Variants in CACNA1E observed in about 807,000 individuals in gnomAD.
The protein encoded by CACNA1E is voltage-dependent R-type calcium channel subunit alpha-1E.
CACNA1E carries 40 observed loss-of-function variants against 259.2 expected under a neutral mutation model. The ratio of observed to expected loss-of-function variants is 0.15; its 90% CI spans 0.12 to 0.20. The LOEUF is 0.20. Among genes scored for constraint, CACNA1E ranks in the 10% least tolerant of loss-of-function variants. The pLI is 1.00. For missense variants in CACNA1E, 1,874 were observed against 3,040.1 expected (o/e 0.62, Z 9.02); for synonymous variants, 1,104 against 1,138.5 (o/e 0.97, Z 0.61).
chr1:181,389,485 T>C lies in CACNA1E; in HGVS notation c.-14-23648T>C, dbSNP rs149536593. Reference sequence around the variant, plus strand: ...TACAAATCAACGTTAGTGACTAGACTAGTTCACAAGTACGGAATCTGCAAT... The same window carrying C: ...TACAAATCAACGTTAGTGACTAGACCAGTTCACAAGTACGGAATCTGCAAT... On this transcript the variant is annotated intron_variant, in intron 1 of 11. Transcript: ENST00000524607. Among the ~76,000 whole-genome samples, 1,254 of 152,328 alleles carry C rather than the reference T, an allele frequency of 8.2e-3. 22 individuals carry two copies. Among genetic ancestry groups the C allele is most frequent in the Non-Finnish European group, 0.011 (781 of 68,024 alleles).
chr1:181,580,520 T>C (rs1175131658), intron 5 of CACNA1E, 75 bp from the exon 6 acceptor site: 1 of 1,438,162 alleles, frequency 7.0e-7, no homozygotes, highest in Admixed American at 1.7e-5. Context: ...TGCTTGCCTA[T>C]GGCTTCCTGG....
chr1:181,635,202 C>T (rs1406403125), intron 6 of CACNA1E, among the ~76,000 whole-genome samples: 1 of 152,194 alleles, frequency 6.6e-6, no homozygotes, highest in African/African-American at 2.4e-5. Flanking sequence ...TTTTCCAACT[C>T]CTGAAACTTA....
intron 2 of CACNA1E, among the ~76,000 whole-genome samples, chr1:181,441,101 G>A (rs182505464): frequency 2.0e-5 from 3 of 150,796 alleles, no homozygotes. Context: ...CACAGTGGAT[G>A]GCAAGGCTTC....
chr1:181,668,216 A>G (rs921958001), intron 7 of CACNA1E, among the ~76,000 whole-genome samples: 1 of 152,226 alleles, frequency 6.6e-6, no homozygotes, highest in African/African-American at 2.4e-5. Flanking sequence ...TCATTTCAAG[A>G]ATGTTAAATA....
chr1:181,793,617 A>G, intron 44 of CACNA1E, 48 bp from the exon 45 acceptor site: 3 of 1,588,202 alleles, frequency 1.9e-6, no homozygotes, highest in Non-Finnish European at 1.7e-6. Flanking sequence ...GTGAGAAGCA[A>G]TGAGATGGAA....
At position 181,732,236 on chromosome 1, in the gene CACNA1E, G is replaced by C; in HGVS notation, c.2298-148G>C. On this transcript the variant is annotated intron_variant, in intron 19 of 47. Coordinates refer to ENST00000367573, the MANE Select transcript of CACNA1E (RefSeq NM_001205293.3). This position sits in a 1 kb window ranked among gnomAD's most constrained non-coding sequence, Gnocchi z 5.5. The stretch of plus-strand genomic sequence containing the variant: ...CTCACGTGTGGCCCGCCTGCTCCTC[G>C]CATCTTTCTGTGCTTCCTGTCTGCA... 8.0e-7 allele frequency: 1 copy of C among 1,253,832 alleles called. No homozygotes were observed. Among genetic ancestry groups the C allele is most frequent in the Non-Finnish European group, 1.0e-6 (1 of 964,578 alleles). 77.7% of individuals were successfully genotyped at this position (1,253,832 alleles called of 1,614,324 possible).
intron 18 of CACNA1E, among the ~76,000 whole-genome samples, chr1:181,730,562 C>T (rs1006112212): frequency 2.0e-5 from 3 of 152,226 alleles, no homozygotes; most frequent in South Asian, 2.1e-4. Context: ...AGGGCCTCTG[C>T]GTTGCTCAAA....
chr1:181,495,215 T>C (rs1056470599), intron 1 of CACNA1E, among the ~76,000 whole-genome samples: 12 of 152,218 alleles, frequency 7.9e-5, no homozygotes, highest in Non-Finnish European at 1.6e-4. Flanking sequence ...GCCCAGTTGA[T>C]GAAAGCTTCA....
chr1:181,532,987 C>T (rs988537973), intron 3 of CACNA1E, among the ~76,000 whole-genome samples: 3 of 152,172 alleles, frequency 2.0e-5, no homozygotes, highest in Non-Finnish European at 4.4e-5. Context: ...GAGTGGCATT[C>T]CCTATCTACA....
intron 3 of CACNA1E, among the ~76,000 whole-genome samples, chr1:181,531,926 C>T (rs954795058): frequency 1.3e-5 from 2 of 152,168 alleles, no homozygotes; most frequent in Admixed American, 6.5e-5. Flanking sequence ...TGTGATGGCA[C>T]GTACCTGTAA....
At chr1:181,673,582 G>A (rs528133775) in intron 7 of CACNA1E, among the ~76,000 whole-genome samples, 10 of 152,214 alleles carry the variant, frequency 6.6e-5, no homozygotes, top group Non-Finnish European at 1.2e-4. Context: ...AAGAAGCAGA[G>A]TGACAACAGA....
intron 6 of CACNA1E, among the ~76,000 whole-genome samples, chr1:181,641,708 T>TC (rs1558217571): frequency 1.8e-5 from 1 of 56,566 alleles, no homozygotes; most frequent in Non-Finnish European, 4.7e-5. Flanking sequence ...TTTTTGTTTT[T>TC]TTTTTTTTTT....
intron 1 of CACNA1E, among the ~76,000 whole-genome samples, chr1:181,388,952 G>C (rs1475867040): frequency 1.3e-5 from 2 of 151,846 alleles, no homozygotes; most frequent in African/African-American, 4.8e-5. Context: ...GTCTGACATT[G>C]ATGGAAACAT....
intron 1 of CACNA1E, among the ~76,000 whole-genome samples, chr1:181,342,571 A>G (rs557083054): frequency 1.3e-5 from 2 of 152,362 alleles, no homozygotes; most frequent in Non-Finnish European, 2.9e-5. Context: ...AAAGAAGCCC[A>G]ACAGAACAGA....
chr1:181,503,014 G>C (rs1665398914), intron 1 of CACNA1E, among the ~76,000 whole-genome samples: 1 of 152,196 alleles, frequency 6.6e-6, no homozygotes, highest in Non-Finnish European at 1.5e-5. Flanking sequence ...AGGCCTGTTT[G>C]AACAGGGCTG....
intron 1 of CACNA1E, among the ~76,000 whole-genome samples, chr1:181,321,186 G>A (rs1450166277): frequency 6.6e-6 from 1 of 152,110 alleles, no homozygotes; most frequent in African/African-American, 2.4e-5. Context: ...CAGCCCCCAT[G>A]ACCCAAACAC....
At chr1:181,727,451 T>C (rs1157657317) in intron 18 of CACNA1E, among the ~76,000 whole-genome samples, 1 of 152,224 alleles carries the variant, frequency 6.6e-6, no homozygotes, top group African/African-American at 2.4e-5. Context: ...TGAAAGCTGT[T>C]AGTGACCTTA....
At chr1:181,599,831 C>G (rs1653563111) in intron 6 of CACNA1E, among the ~76,000 whole-genome samples, 1 of 152,126 alleles carries the variant, frequency 6.6e-6, no homozygotes, top group Admixed American at 6.5e-5. Context: ...TTGGTATTTC[C>G]AATTGCATTT....
chr1:181,531,424 C>T (rs539829040), intron 3 of CACNA1E, among the ~76,000 whole-genome samples: 16 of 152,160 alleles, frequency 1.1e-4, no homozygotes, highest in African/African-American at 3.1e-4. Flanking sequence ...AGATTGAGGG[C>T]GGGGGTCATG....
Sources: allele counts gnomAD v4.1 joint callset (sites outside exome capture counted in the v4.1 genomes callset), GRCh38; gene constraint gnomAD v4.1.1; non-coding constraint Gnocchi (gnomAD v3.1); transcripts MANE v1.5; gene names NCBI Gene and HGNC (gene_info 2026-07-23, HGNC 2026-07-21).